Variants in EP300 observed in about 807,000 individuals in gnomAD.
The protein encoded by EP300 is histone acetyltransferase p300.
A neutral mutation model predicts 264.0 loss-of-function variants in EP300; 31 were observed. The observed-to-expected ratio is 0.12, with a 90% confidence interval of 0.09 to 0.16. The LOEUF is 0.16. EP300 is among the 10% of genes least tolerant of loss of function. The pLI is 1.00. For synonymous variants in EP300, 1,340 were observed against 1,045.4 expected (o/e 1.28, Z -5.44); for missense variants, 2,766 against 3,052.9 (o/e 0.91, Z 2.21).
At chr22:41,159,652 G>A (rs2059096948) in intron 19 of EP300, 1 of 152,116 alleles carries the variant, frequency 6.6e-6, no homozygotes, top group Non-Finnish European at 1.5e-5. Context: ...TTAACTGCTT[G>A]TGCAGGCTTT....
intron 10 of EP300, among the ~76,000 whole-genome samples, chr22:41,141,426 A>C (rs1417450814): frequency 6.6e-6 from 1 of 152,252 alleles, no homozygotes; most frequent in East Asian, 1.9e-4. Flanking sequence ...GGTACTTAAC[A>C]TACCTTGATA....
chr22:41,116,455 A>G (rs1238845560), intron 1 of EP300, among the ~76,000 whole-genome samples: 4 of 152,150 alleles, frequency 2.6e-5, no homozygotes, highest in African/African-American at 7.2e-5. Flanking sequence ...GAGTGAGAAC[A>G]TGCGGTGTTT....
At chr22:41,160,349 C>G (rs1325573984) in intron 19 of EP300, 1 of 390,958 alleles carries the variant, frequency 2.6e-6, no homozygotes, top group Non-Finnish European at 4.8e-6. Flanking sequence ...TGCAATCCCT[C>G]ATTTCTTCGT....
chr22:41,178,250 G>C lies in EP300; in HGVS notation c.6539G>C (p.Arg2180Pro), dbSNP rs745390323. Residue 2180 changes from arginine to proline, a missense_variant, in exon 31 of 31, where the codon CGA (arginine) becomes CCA (proline). Physicochemically the swap from Arg to Pro is moderately radical, Grantham distance 103. Coordinates refer to ENST00000263253, the MANE Select transcript of EP300 (RefSeq NM_001429.4). ...MNHNTMPSQF[R>P]DILRRQQMMQ... is the part of the protein sequence containing the mutation. ...CACAACACCATGCCTTCACAATTCCGAGACATCTTGAGACGACAGCAAATG... is the reference window on the plus strand; with the variant it reads ...CACAACACCATGCCTTCACAATTCCCAGACATCTTGAGACGACAGCAAATG... The C allele has an allele frequency of 6.2e-7, 1 of 1,613,954 alleles. No homozygotes were observed. Among genetic ancestry groups the C allele is most frequent in the Non-Finnish European group, 8.5e-7 (1 of 1,179,996 alleles).
intron 8 of EP300, among the ~76,000 whole-genome samples, chr22:41,138,946 G>GTT (rs2058967286): frequency 1.3e-5 from 2 of 151,480 alleles, no homozygotes; most frequent in Admixed American, 6.6e-5. Context: ...TTCTTTGTTT[G>GTT]TTTGTTTTTG....
At position 41,158,676 on chromosome 22, in the gene EP300, A is replaced by C. The variant is rs182398748; in HGVS notation, c.3590+176A>C. 4.3e-4 allele frequency: 268 copies of C among 617,096 alleles called. 3 individuals carry two copies. Among genetic ancestry groups the C allele is most frequent in the South Asian group, 2.6e-3 (148 of 56,530 alleles). The allele number at this position is 617,096 out of a possible 1,614,324, so 38.2% of individuals were successfully genotyped here. Reference sequence around the variant, plus strand: ...TGTTTGCAGAACAATAAAATTTTCTATCAGAGTAGCCTTGCATCAGTTACC... The same window carrying C: ...TGTTTGCAGAACAATAAAATTTTCTCTCAGAGTAGCCTTGCATCAGTTACC... On this transcript the variant is annotated intron_variant, in intron 19 of 30. Coordinates refer to ENST00000263253, the MANE Select transcript of EP300 (RefSeq NM_001429.4).
Position 41,141,264 on chromosome 22 carries a change from A to G in EP300, c.2053+42A>G, listed in dbSNP as rs116108629. 3.2e-3 allele frequency: 5,118 copies of G among 1,582,114 alleles called. 145 individuals are homozygous for G. In the African/African-American group the frequency reaches 0.062, roughly 19 times the overall value. On this transcript the variant is annotated intron_variant, in intron 10 of 30. Transcript: ENST00000263253. ...ATATTTCTGTTTGAGAGAAATTGAT[A>G]ATAAAATAGTTTCTATCTAAAGTCA...
In EP300 at chr22:41,125,853, C is replaced by T. The variant is rs200381471; in HGVS notation, c.730-11C>T. On this transcript the variant is annotated splice_polypyrimidine_tract_variant and intron_variant, in intron 2 of 30. Transcript: ENST00000263253. ...TTGCTTATTTTGTTTTCTTTTGTTT[C>T]TTACTCTTAGATGGGAATGATGAAC... The T allele has an allele frequency of 3.8e-6, 6 of 1,576,776 alleles. No homozygotes were observed. The highest frequency in any genetic ancestry group is 1.1e-5 in the South Asian group (1 of 89,578).
intron 1 of EP300, among the ~76,000 whole-genome samples, chr22:41,097,619 T>G (rs900641904): frequency 3.1e-4 from 47 of 152,326 alleles, no homozygotes; most frequent in African/African-American, 1.1e-3. Context: ...AGAGTTATTC[T>G]GCCAATTCAT....
intron 4 of EP300, among the ~76,000 whole-genome samples, chr22:41,128,527 A>T (rs1020610230): frequency 6.6e-6 from 1 of 151,898 alleles, no homozygotes; most frequent in African/African-American, 2.4e-5. Context: ...TTGTTTTTTG[A>T]GACAGAGTCT....
At chr22:41,140,389 C>A in intron 9 of EP300, 132 bp downstream of exon 9, 1 of 776,572 alleles carries the variant, frequency 1.3e-6, no homozygotes, top group Non-Finnish European at 2.3e-6. Context: ...GTCTTATTGT[C>A]CCCAAGCATA....
intron 10 of EP300, among the ~76,000 whole-genome samples, chr22:41,144,757 T>G (rs1041837373): frequency 6.6e-6 from 1 of 152,178 alleles, no homozygotes; most frequent in Non-Finnish European, 1.5e-5. Flanking sequence ...CAATAATAGA[T>G]ACATTCGTAT....
At chr22:41,103,510 CAG>C (rs570095853) in intron 1 of EP300, among the ~76,000 whole-genome samples, 66 of 152,182 alleles carry the variant, frequency 4.3e-4, no homozygotes, top group African/African-American at 1.6e-3. Flanking sequence ...TTGCTTTTGA[CAG>C]AGTAGGTTTG....
intron 28 of EP300, among the ~76,000 whole-genome samples, chr22:41,173,007 C>T (rs1467502710): frequency 6.6e-6 from 1 of 152,082 alleles, no homozygotes; most frequent in African/African-American, 2.4e-5. Flanking sequence ...GGCATATTTT[C>T]TGTCTTTTAA....
rs374523754 is a variant in EP300 at position 41,137,713 on chromosome 22, A to T, written c.1683A>T (p.Gln561His). 1 of 1,613,918 alleles carries T rather than the reference A, an allele frequency of 6.2e-7. No homozygotes were observed. Among genetic ancestry groups the T allele is most frequent in the East Asian group, 2.2e-5 (1 of 44,884 alleles). Reference sequence around the variant, plus strand: ...TGGGTCCTATGCCAACAGCAGCTCAACCATCCACTACTGGAATTCGGAAAC... The same window carrying T: ...TGGGTCCTATGCCAACAGCAGCTCATCCATCCACTACTGGAATTCGGAAAC... ...PSLGPMPTAA[Q>H]PSTTGIRKQW... is the part of the protein sequence containing the mutation. The change falls in exon 8 of 31, where the codon CAA becomes CAT. Residue 561 changes from glutamine to histidine, a missense_variant. Coordinates refer to ENST00000263253, the MANE Select transcript of EP300 (RefSeq NM_001429.4).
chr22:41,148,805 A>G (rs369482026), intron 12 of EP300: 3 of 568,340 alleles, frequency 5.3e-6, no homozygotes, highest in East Asian at 3.0e-5. Context: ...TCCTCTTACT[A>G]TTTCTTGGAG....
At chr22:41,102,190 A>G (rs2058735677) in intron 1 of EP300, among the ~76,000 whole-genome samples, 1 of 152,160 alleles carries the variant, frequency 6.6e-6, no homozygotes, top group South Asian at 2.1e-4. Context: ...CCAGGAACTT[A>G]TCCTCTGTAC....
Position 41,160,441 on chromosome 22 carries a change from C to CA in EP300, c.3591-194dup, listed in dbSNP as rs914539587. 8.0e-5 allele frequency: 31 copies of CA among 387,770 alleles called. No individual in the cohort carries two copies. In the East Asian group the frequency reaches 8.3e-4, roughly 10 times the overall value. 24.0% of individuals were successfully genotyped at this position (387,770 alleles called of 1,614,324 possible). On this transcript the variant is annotated intron_variant, in intron 19 of 30. Coordinates refer to ENST00000263253, the MANE Select transcript of EP300 (RefSeq NM_001429.4). The stretch of plus-strand genomic sequence containing the variant: ...TTGCAAAAAAAAAAACAAAAAAAAA[C>CA]AAAAAAACAAACAAAAAAACCAAAA...
At chr22:41,112,968 G>A (rs2145691337) in intron 1 of EP300, among the ~76,000 whole-genome samples, 1 of 151,978 alleles carries the variant, frequency 6.6e-6, no homozygotes, top group East Asian at 1.9e-4. Flanking sequence ...TCCTAGCCAT[G>A]TCATTTCACC....
Sources: gnomAD v4.1 joint callset for allele counts (sites outside exome capture counted in the v4.1 genomes callset) on GRCh38, gnomAD v4.1.1 for gene constraint, MANE v1.5 for transcripts, NCBI Gene and HGNC (gene_info 2026-07-23, HGNC 2026-07-21) for gene names.